The following IQGAP2 variants were observed in gnomAD, a reference collection of about 807,000 sequenced individuals.
The protein encoded by IQGAP2 is IQ motif containing GTPase activating protein 2, also known as ras GTPase-activating-like protein IQGAP2.
Under a neutral mutation model 201.3 loss-of-function variants are expected in IQGAP2, and 173 were observed. The ratio of observed to expected loss-of-function variants is 0.86; its 90% CI spans 0.76 to 0.98. IQGAP2 has a LOEUF of 0.98. Ranked by LOEUF, IQGAP2 falls within the 50% of genes least tolerant of loss-of-function variation. The pLI is 0.00. For missense variants in IQGAP2, 1,687 were observed against 1,864.8 expected, an observed-to-expected ratio of 0.90 and a Z score of 1.76; for synonymous variants, 675 against 673.9, an observed-to-expected ratio of 1.00 and a Z score of -0.03.
intron 15 of IQGAP2, 43 bp from the exon 16 acceptor site, chr5:76,636,991 G>C: frequency 1.3e-6 from 2 of 1,492,260 alleles, no homozygotes; most frequent in Non-Finnish European, 1.8e-6. Context: ...ATGTTTAAGG[G>C]TTCACTGTGT....
intron 2 of IQGAP2, among the ~76,000 whole-genome samples, chr5:76,512,682 A>T (rs904516322): frequency 1.3e-5 from 2 of 152,250 alleles, no homozygotes; most frequent in African/African-American, 4.8e-5. Flanking sequence ...CTATCAAATT[A>T]CAATTTTCAG....
chr5:76,565,569 C>T (rs1234796569), intron 3 of IQGAP2, among the ~76,000 whole-genome samples: 3 of 152,234 alleles, frequency 2.0e-5, no homozygotes, highest in African/African-American at 7.2e-5. Flanking sequence ...CACTGCAGCT[C>T]CTGACACAGT....
intron 17 of IQGAP2, among the ~76,000 whole-genome samples, chr5:76,646,237 C>A (rs1752026620): frequency 6.6e-6 from 1 of 152,198 alleles, no homozygotes; most frequent in Admixed American, 6.5e-5. Flanking sequence ...GCTGTTGGGC[C>A]ACTTTTATGA....
At chr5:76,492,910 C>T (rs570425293) in intron 2 of IQGAP2, among the ~76,000 whole-genome samples, 54 of 152,272 alleles carry the variant, frequency 3.5e-4, no homozygotes, top group Admixed American at 2.0e-4. Context: ...AGATTCCAAC[C>T]TGAAGGAAAA....
intron 23 of IQGAP2, among the ~76,000 whole-genome samples, chr5:76,669,074 G>T (rs1247409993): frequency 6.6e-6 from 1 of 152,088 alleles, no homozygotes; most frequent in Non-Finnish European, 1.5e-5. Flanking sequence ...GATTTTGTAT[G>T]CCTGTAACAA....
At chr5:76,699,487 A>T (rs1473329215) in intron 33 of IQGAP2, 2 of 152,242 alleles carry the variant, frequency 1.3e-5, no homozygotes, top group African/African-American at 2.4e-5. Context: ...AACACCCAGA[A>T]GTTGGATTGC....
intron 2 of IQGAP2, among the ~76,000 whole-genome samples, chr5:76,557,262 A>C (rs1034858507): frequency 2.0e-5 from 3 of 152,228 alleles, no homozygotes; most frequent in Non-Finnish European, 4.4e-5. Flanking sequence ...TGAGCTTTGG[A>C]AAACCTCAGA....
At position 76,588,891 on chromosome 5, in the gene IQGAP2, G is replaced by GT. The variant is rs761278890; in HGVS notation, c.459-8dup. ...ATGATAAAATTTCTGATAATTTTGT[G>GT]TTTTTTTCTTTCAGTTTGTATCTGT... On this transcript the variant is annotated splice_polypyrimidine_tract_variant and intron_variant, in intron 5 of 35. Coordinates refer to ENST00000274364, the MANE Select transcript of IQGAP2 (RefSeq NM_006633.5). 15 of 1,537,216 alleles carry GT rather than the reference G, an allele frequency of 9.8e-6. No individual in the cohort carries two copies. The highest frequency in any genetic ancestry group is 4.6e-5 in the East Asian group (2 of 43,832).
chr5:76,405,926 C>G lies in IQGAP2; in HGVS notation c.46+2335C>G, dbSNP rs74837638. 9.1e-3 allele frequency among the ~76,000 whole-genome samples: 1,384 copies of G among 152,268 alleles called. 17 individuals are homozygous for G. Among genetic ancestry groups the G allele is most frequent in the African/African-American group, 0.032 (1,322 of 41,548 alleles). On this transcript the variant is annotated intron_variant, in intron 1 of 35. Coordinates refer to ENST00000274364, the MANE Select transcript of IQGAP2 (RefSeq NM_006633.5). ...CCCCTAGCATTTAAAAATAAAGTAG[C>G]AATACATTGTAATTTCAGTTCTAGT... is the stretch of plus-strand genomic sequence containing the variant.
At chr5:76,638,085 A>G (rs1313157143) in intron 16 of IQGAP2, among the ~76,000 whole-genome samples, 1 of 152,246 alleles carries the variant, frequency 6.6e-6, no homozygotes, top group Non-Finnish European at 1.5e-5. Flanking sequence ...GCATTAGTGA[A>G]CATAGTGTCA....
intron 27 of IQGAP2, among the ~76,000 whole-genome samples, chr5:76,675,197 CAG>C (rs1386711646): frequency 1.3e-5 from 2 of 152,088 alleles, no homozygotes; most frequent in African/African-American, 2.4e-5. Context: ...CAACCAAAGA[CAG>C]AGAGAAAATA....
Position 76,592,872 on chromosome 5 carries a change from A to T in IQGAP2, c.854A>T (p.Tyr285Phe), listed in dbSNP as rs750125390. The change falls in exon 9 of 36, where the codon TAT (tyrosine) becomes TTT (phenylalanine). Residue 285 changes from tyrosine (Y) to phenylalanine (F), a missense_variant. Tyr to Phe is a conservative substitution (Grantham distance 22). Transcript: ENST00000274364. ...ATTTCAGAAGAAGAAAGAGATGCTTATGAAGAACTGCTGACACAAGCAGAA... is the reference window on the plus strand; with the variant it reads ...ATTTCAGAAGAAGAAAGAGATGCTTTTGAAGAACTGCTGACACAAGCAGAA... ...SCISEEERDA[Y>F]EELLTQAEIQ... is the part of the protein sequence containing the mutation. The T allele has an allele frequency of 6.2e-7, 1 of 1,612,640 alleles. No individual in the cohort carries two copies. Among genetic ancestry groups the T allele is most frequent in the Admixed American group, 1.7e-5 (1 of 60,026 alleles).
At chr5:76,410,299 G>A (rs1751038358) in intron 1 of IQGAP2, among the ~76,000 whole-genome samples, 1 of 152,134 alleles carries the variant, frequency 6.6e-6, no homozygotes, top group Admixed American at 6.5e-5. Context: ...TTTGTACTGT[G>A]GAATCTTCTA....
rs186049442 is a variant in IQGAP2 at position 76,651,571 on chromosome 5, G to A, written c.2095-1179G>A. Among the ~76,000 whole-genome samples the A allele has an allele frequency of 6.3e-3, 719 of 113,232 alleles. 7 individuals carry two copies. The highest frequency in any genetic ancestry group is 0.021 in the African/African-American group (686 of 33,202). 74.3% of individuals were successfully genotyped at this position (113,232 alleles called of 152,430 possible). On this transcript the variant is annotated intron_variant, in intron 17 of 35. Coordinates refer to ENST00000274364, the MANE Select transcript of IQGAP2 (RefSeq NM_006633.5). ...TGAGCCATGATTGAGCCACTGCACT[G>A]TAGCCTGGGACAAAATGAGACCCTG...
At chr5:76,668,548 A>G (rs1199681485) in intron 22 of IQGAP2, 133 bp from the exon 23 acceptor site, 1 of 661,062 alleles carries the variant, frequency 1.5e-6, no homozygotes, top group African/African-American at 1.9e-5. Context: ...TATTTTATAT[A>G]CTCATCTATA....
At chr5:76,662,988 C>T (rs1743398154) in intron 21 of IQGAP2, among the ~76,000 whole-genome samples, 1 of 152,146 alleles carries the variant, frequency 6.6e-6, no homozygotes, top group Non-Finnish European at 1.5e-5. Context: ...CAGATGTAGC[C>T]ACATGGAACT....
chr5:76,635,920 C>T (rs1295691567), intron 15 of IQGAP2, among the ~76,000 whole-genome samples: 1 of 152,080 alleles, frequency 6.6e-6, no homozygotes, highest in Non-Finnish European at 1.5e-5. Flanking sequence ...TGTAAACATC[C>T]TAACTTGACT....
intron 2 of IQGAP2, among the ~76,000 whole-genome samples, chr5:76,463,123 TAAAAAA>T (rs5868826): frequency 1.9e-5 from 2 of 105,716 alleles, no homozygotes; most frequent in Non-Finnish European, 3.7e-5. Flanking sequence ...ACGCTGTCTT[TAAAAAA>T]AAAAAAAAAA....
At chr5:76,529,559 C>T (rs1409715245) in intron 2 of IQGAP2, among the ~76,000 whole-genome samples, 2 of 151,372 alleles carry the variant, frequency 1.3e-5, no homozygotes, top group African/African-American at 4.8e-5. Context: ...ACCCGGGAGG[C>T]GAAGGCTGCA....
Sources: gnomAD v4.1 joint callset for allele counts (sites outside exome capture counted in the v4.1 genomes callset) on GRCh38, gnomAD v4.1.1 for gene constraint, MANE v1.5 for transcripts, NCBI Gene and HGNC (gene_info 2026-07-23, HGNC 2026-07-21) for gene names.